ZNF410: variants seen among roughly 807,000 people sequenced by gnomAD.
ZNF410 encodes the protein zinc finger protein 410.
In ZNF410, 18 loss-of-function variants were observed where a neutral mutation model predicts 54.8. The observed-to-expected ratio is 0.33, with a 90% CI of 0.23 to 0.49. The LOEUF (loss-of-function observed/expected upper bound fraction) is 0.49, where lower values mean the gene tolerates loss of function less well. ZNF410 is among the 20% of genes least tolerant of loss of function. ZNF410 has a pLI of 0.99. For missense variants in ZNF410, 405 were observed against 569.6 expected, an observed-to-expected ratio of 0.71 and a Z score of 2.94; for synonymous variants, 191 against 207.3, an observed-to-expected ratio of 0.92 and a Z score of 0.68.
chr14:73,896,349 A>T lies in ZNF410; in HGVS notation c.203A>T (p.Glu68Val), dbSNP rs1345406526. 6.2e-7 allele frequency: 1 copy of T among 1,614,022 alleles called. No individual in the cohort carries two copies. Among genetic ancestry groups the T allele is most frequent in the East Asian group, 2.2e-5 (1 of 44,888 alleles). ...DTTNHSNSSK[E>V]VPSSAVLRSL... is the part of the protein sequence containing the mutation. ...ACAAATCATTCTAACTCCTCCAAGG[A>T]GGTCCCTTCCTCAGCTGTTTTGAGA... is the stretch of plus-strand genomic sequence containing the variant. Residue 68 changes from glutamate to valine, a missense_variant, in exon 4 of 12, where the codon GAG becomes GTG. By Grantham distance (121) the Glu-to-Val change is moderately radical. Coordinates refer to ENST00000555044, the MANE Select transcript of ZNF410 (RefSeq NM_021188.3).
intron 7 of ZNF410, 176 bp downstream of exon 7, chr14:73,905,259 AT>A: frequency 1.5e-6 from 1 of 658,732 alleles, no homozygotes; most frequent in Non-Finnish European, 2.4e-6. Flanking sequence ...CATTTATTGT[AT>A]TTTTACCTGT....
chr14:73,887,356 A>G (rs111633269), intron 1 of ZNF410: 2 of 152,098 alleles, frequency 1.3e-5, no homozygotes, highest in African/African-American at 4.8e-5. Context: ...CTCTCCTTTC[A>G]TACCACTTAC....
chr14:73,899,001 C>G (rs1472532557), intron 5 of ZNF410, among the ~76,000 whole-genome samples: 1 of 152,204 alleles, frequency 6.6e-6, no homozygotes, highest in East Asian at 1.9e-4. Flanking sequence ...GCTTATGTAG[C>G]ATGTCATGGA....
intron 7 of ZNF410, among the ~76,000 whole-genome samples, chr14:73,905,878 AAAT>A (rs1190099285): frequency 1.3e-5 from 2 of 150,902 alleles, no homozygotes; most frequent in Admixed American, 1.3e-4. Flanking sequence ...TAAAATATAA[AAAT>A]AAAAGGCATA....
intron 6 of ZNF410, 114 bp from the exon 7 acceptor site, chr14:73,904,788 A>T: frequency 1.7e-6 from 2 of 1,176,166 alleles, no homozygotes; most frequent in Non-Finnish European, 2.3e-6. Flanking sequence ...GTTGATTCTG[A>T]TATATCCAGT....
chr14:73,894,258 C>T, intron 3 of ZNF410: 3 of 687,478 alleles, frequency 4.4e-6, no homozygotes, highest in Non-Finnish European at 5.3e-6. Context: ...TGAACATCAG[C>T]AGAGTGGAGG....
At chr14:73,887,222 T>C (rs1189905995) in intron 1 of ZNF410, 1 of 152,458 alleles carries the variant, frequency 6.6e-6, no homozygotes, top group Non-Finnish European at 1.5e-5. Flanking sequence ...GGGCGGGGGC[T>C]CTTGGACTGC....
At chr14:73,918,340 T>C (rs2055700505) in intron 8 of ZNF410, among the ~76,000 whole-genome samples, 1 of 152,180 alleles carries the variant, frequency 6.6e-6, no homozygotes, top group South Asian at 2.1e-4. Context: ...CCTCAAGTGA[T>C]CTACCTGCCT....
chr14:73,923,390 C>T lies in ZNF410; in HGVS notation c.1271-5C>T, dbSNP rs2140326079. 1 of 1,611,502 alleles carries T rather than the reference C, an allele frequency of 6.2e-7. No individual in the cohort carries two copies. The highest frequency in any genetic ancestry group is 2.2e-5 in the East Asian group (1 of 44,838). On this transcript the variant is annotated splice_polypyrimidine_tract_variant and splice_region_variant and intron_variant, in intron 10 of 11. Transcript: ENST00000555044. ...TCATTGAAACATTTTTCTGTTGCTT[C>T]ACAGAGGTGCTTGCTGAAGGATCCC...
chr14:73,902,215 C>A lies in ZNF410; in HGVS notation c.581-1745C>A, dbSNP rs1283106704. The stretch of plus-strand genomic sequence containing the variant: ...TCCCGAGTAGCTGGGACTACAGGCT[C>A]CTGCCACCATGCCTGGCTAATTTTT... On this transcript the variant is annotated intron_variant, in intron 5 of 11. Transcript: ENST00000555044. 4.0e-5 allele frequency: 6 copies of A among 151,602 alleles called. No homozygotes were observed. The East Asian group carries it at 1.2e-3, about 30-fold the overall frequency. The allele number at this position is 151,602 out of a possible 1,614,324, so 9.4% of individuals were successfully genotyped here. A position where few individuals can be genotyped will look rare whatever the true frequency, so the allele number is the denominator to read the frequency against.
chr14:73,905,357 T>TG, intron 7 of ZNF410: 1 of 312,756 alleles, frequency 3.2e-6, no homozygotes, highest in South Asian at 8.1e-5. Flanking sequence ...AACAATGATG[T>TG]GGGGAGATGT....
intron 8 of ZNF410, chr14:73,914,413 A>T (rs2055631715): frequency 6.6e-6 from 1 of 152,146 alleles, no homozygotes; most frequent in Non-Finnish European, 1.5e-5. Flanking sequence ...ACCTCAAGTG[A>T]TCTGCCCGCC....
intron 11 of ZNF410, among the ~76,000 whole-genome samples, chr14:73,927,513 C>T (rs1281867827): frequency 1.3e-5 from 2 of 152,190 alleles, no homozygotes; most frequent in Non-Finnish European, 2.9e-5. Flanking sequence ...CAACCCACAG[C>T]ACCTAGCCTT....
intron 8 of ZNF410, chr14:73,914,582 T>A (rs2055634166): frequency 6.6e-6 from 1 of 151,672 alleles, no homozygotes; most frequent in Non-Finnish European, 1.5e-5. Flanking sequence ...AGCCTTCCAA[T>A]GTCGGGATGA....
At position 73,904,023 on chromosome 14, in the gene ZNF410, T is replaced by C; in HGVS notation, c.644T>C (p.Val215Ala). The change falls in exon 6 of 12, where the codon GTG (valine) becomes GCG (alanine). Residue 215 changes from valine (V) to alanine (A), a missense_variant. Physicochemically the swap from Val to Ala is moderately conservative, Grantham distance 64. This residue lies in a region of ZNF410 where 247 missense variants were observed against 342.8 expected (regional missense o/e 0.72). Coordinates refer to ENST00000555044, the MANE Select transcript of ZNF410 (RefSeq NM_021188.3). Reference protein sequence around the residue: ...QSKDSGPLPQVEKKLKCTVEG... With the variant: ...QSKDSGPLPQAEKKLKCTVEG... ...AAAGATTCTGGGCCCCTTCCTCAAG[T>C]GGAAAAGAAGCTCAAGTGTACAGTT... 6.2e-7 allele frequency: 1 copy of C among 1,614,106 alleles called. No individual in the cohort carries two copies. The highest frequency in any genetic ancestry group is 1.3e-5 in the African/African-American group (1 of 75,022).
chr14:73,923,472 G>C lies in ZNF410; in HGVS notation c.1348G>C (p.Gly450Arg). Residue 450 changes from glycine to arginine, a missense_variant, in exon 11 of 12, where the codon GGG (glycine) becomes CGG (arginine). By Grantham distance (125) the Gly-to-Arg change is moderately radical. Coordinates refer to ENST00000555044, the MANE Select transcript of ZNF410 (RefSeq NM_021188.3). ...VTHHLVTMQS[G>R]RQSYEVSVLT... Reference sequence around the variant, plus strand: ...ACATCACCTGGTGACCATGCAGTCAGGGAGGCAATCATATGAAGTTTCTGT... The same window carrying C: ...ACATCACCTGGTGACCATGCAGTCACGGAGGCAATCATATGAAGTTTCTGT... 6.2e-7 allele frequency: 1 copy of C among 1,614,002 alleles called. No individual in the cohort carries two copies. The highest frequency in any genetic ancestry group is 1.1e-5 in the South Asian group (1 of 91,030).
At chr14:73,910,931 TCA>T (rs1352237408) in intron 8 of ZNF410, among the ~76,000 whole-genome samples, 2 of 146,028 alleles carry the variant, frequency 1.4e-5, no homozygotes. Context: ...TCAGGCTGAC[TCA>T]CATATTTATA....
chr14:73,920,819 C>T, intron 8 of ZNF410, 161 bp from the exon 9 acceptor site: 2 of 809,912 alleles, frequency 2.5e-6, no homozygotes, highest in Admixed American at 2.7e-5. Flanking sequence ...TTCCTGCCTT[C>T]CCCCATATAC....
intron 9 of ZNF410, among the ~76,000 whole-genome samples, chr14:73,921,738 G>A (rs2055757665): frequency 6.6e-6 from 1 of 152,146 alleles, no homozygotes; most frequent in African/African-American, 2.4e-5. Context: ...TGCCCTGCCT[G>A]AAATTTGATA....
Sources: allele counts gnomAD v4.1 joint callset (sites outside exome capture counted in the v4.1 genomes callset), GRCh38; gene constraint gnomAD v4.1.1; regional missense constraint gnomAD v4.1.1; transcripts MANE v1.5; gene names NCBI Gene and HGNC (gene_info 2026-07-23, HGNC 2026-07-21).